The following SHISA9 variants were observed in gnomAD, a reference collection of about 807,000 sequenced individuals.
The protein encoded by SHISA9 is protein shisa-9.
In SHISA9, 13 loss-of-function variants were observed where a neutral mutation model predicts 38.0. That is an observed-to-expected ratio of 0.34 (90% confidence interval 0.22 to 0.54). The LOEUF (loss-of-function observed/expected upper bound fraction) is 0.54, where lower values mean the gene tolerates loss of function less well. Ranked by LOEUF, SHISA9 falls within the 20% of genes least tolerant of loss-of-function variation. The pLI, the probability that SHISA9 is intolerant of heterozygous loss-of-function variation, is 0.91. For missense variants in SHISA9, 538 were observed against 575.8 expected, an observed-to-expected ratio of 0.93 and a Z score of 0.67; for synonymous variants, 275 against 242.0, an observed-to-expected ratio of 1.14 and a Z score of -1.27.
At chr16:12,956,136 A>G (rs933195591) in intron 2 of SHISA9, among the ~76,000 whole-genome samples, 1 of 152,236 alleles carries the variant, frequency 6.6e-6, no homozygotes, top group Non-Finnish European at 1.5e-5. Flanking sequence ...CAAGTAGCCA[A>G]TAAGCACTAA....
chr16:13,204,274 T>C (rs1423802730), intron 3 of SHISA9, among the ~76,000 whole-genome samples: 1 of 151,996 alleles, frequency 6.6e-6, no homozygotes. Context: ...TCTCTCTACC[T>C]GGGACCCAGG....
intron 4 of SHISA9, among the ~76,000 whole-genome samples, chr16:13,216,303 C>T (rs1323114753): frequency 6.6e-6 from 1 of 151,982 alleles, no homozygotes; most frequent in Admixed American, 6.5e-5. Flanking sequence ...TTCAACCTCT[C>T]TGATCCCCTA....
chr16:13,195,859 A>T (rs1453107876), intron 2 of SHISA9, among the ~76,000 whole-genome samples: 1 of 150,510 alleles, frequency 6.6e-6, no homozygotes, highest in Admixed American at 6.6e-5. Flanking sequence ...AGGCTGAGGC[A>T]GGCAGATCAC....
intron 2 of SHISA9, among the ~76,000 whole-genome samples, chr16:13,025,954 C>CCT (rs1459874167): frequency 1.3e-5 from 2 of 152,002 alleles, no homozygotes; most frequent in African/African-American, 4.8e-5. Context: ...TACAGGCATG[C>CCT]ACCACCATGC....
chr16:13,280,658 C>T, the SHISA9 span, among the ~76,000 whole-genome samples: 1 of 151,616 alleles, frequency 6.6e-6, no homozygotes, highest in Admixed American at 6.6e-5. Context: ...AGAGTATATA[C>T]CTAATAAGAT....
chr16:12,996,789 C>T (rs1179546878), intron 2 of SHISA9, among the ~76,000 whole-genome samples: 1 of 151,998 alleles, frequency 6.6e-6, no homozygotes, highest in Non-Finnish European at 1.5e-5. Context: ...TCCTCTAGGT[C>T]TGGTATTTTG....
the SHISA9 span, among the ~76,000 whole-genome samples, chr16:13,393,989 C>T: frequency 2.0e-5 from 3 of 152,180 alleles, no homozygotes; most frequent in Admixed American, 6.5e-5. Context: ...CGTCACGTCC[C>T]ACTGTGGGCA....
the SHISA9 span, among the ~76,000 whole-genome samples, chr16:13,384,291 A>G: frequency 3.5e-4 from 53 of 152,272 alleles, no homozygotes; most frequent in African/African-American, 1.2e-3. Flanking sequence ...TCCATTCCCC[A>G]TGGTCAGGTT....
chr16:13,412,122 C>T, the SHISA9 span, among the ~76,000 whole-genome samples: 2 of 152,122 alleles, frequency 1.3e-5, no homozygotes, highest in Non-Finnish European at 2.9e-5. Context: ...GAAAGGGACA[C>T]GTTTCTGAGA....
At chr16:12,975,860 C>T (rs2072154574) in intron 2 of SHISA9, among the ~76,000 whole-genome samples, 1 of 150,202 alleles carries the variant, frequency 6.7e-6, no homozygotes, top group Admixed American at 6.6e-5. Flanking sequence ...ATAATAGCTT[C>T]ATTTATTTGA....
chr16:13,398,747 G>A, the SHISA9 span, among the ~76,000 whole-genome samples: 4 of 152,032 alleles, frequency 2.6e-5, no homozygotes, highest in African/African-American at 9.7e-5. Context: ...CCTGACCTCA[G>A]GTGATCCACA....
chr16:13,301,740 A>G, the SHISA9 span, among the ~76,000 whole-genome samples: 1 of 152,162 alleles, frequency 6.6e-6, no homozygotes, highest in Non-Finnish European at 1.5e-5. Flanking sequence ...TGAGTGAATG[A>G]ATGAAGTTGG....
At chr16:12,969,443 C>A in intron 2 of SHISA9, among the ~76,000 whole-genome samples, 1 of 150,842 alleles carries the variant, frequency 6.6e-6, no homozygotes, top group East Asian at 2.0e-4. Context: ...GTACACTCTT[C>A]TGTAAGTGTT....
chr16:13,288,269 C>T, the SHISA9 span, among the ~76,000 whole-genome samples: 3 of 152,112 alleles, frequency 2.0e-5, no homozygotes, highest in African/African-American at 7.2e-5. Context: ...GACTGGGTGG[C>T]TTAAACAATA....
intron 3 of SHISA9, 103 bp downstream of exon 3, chr16:13,203,652 T>C: frequency 1.6e-6 from 2 of 1,245,088 alleles, no homozygotes; most frequent in Non-Finnish European, 1.1e-6. Flanking sequence ...AATTCCTTTT[T>C]CTAGCTCTCT....
At chr16:13,494,384 C>T in the SHISA9 span, among the ~76,000 whole-genome samples, 2 of 152,142 alleles carry the variant, frequency 1.3e-5, no homozygotes, top group Non-Finnish European at 2.9e-5. Context: ...CCCAAAACTC[C>T]ACCCAATGTG....
chr16:13,007,594 G>GT (rs1411372096), intron 2 of SHISA9, among the ~76,000 whole-genome samples: 1 of 152,158 alleles, frequency 6.6e-6, no homozygotes, highest in Non-Finnish European at 1.5e-5. Context: ...TGACCCTAGG[G>GT]TGAGAACCCA....
At chr16:12,991,408 G>C (rs2072384673) in intron 2 of SHISA9, among the ~76,000 whole-genome samples, 1 of 152,038 alleles carries the variant, frequency 6.6e-6, no homozygotes, top group Admixed American at 6.6e-5. Flanking sequence ...ATATAGAGAG[G>C]TCATTTAAAG....
chr16:13,170,704 T>C (rs1384153709), intron 2 of SHISA9, among the ~76,000 whole-genome samples: 2 of 152,238 alleles, frequency 1.3e-5, no homozygotes, highest in Admixed American at 6.5e-5. Context: ...TTGCCCAGGC[T>C]GGAGTGCAAT....
Sources: allele counts gnomAD v4.1 joint callset (sites outside exome capture counted in the v4.1 genomes callset), GRCh38; gene constraint gnomAD v4.1.1; transcripts MANE v1.5; gene names NCBI Gene and HGNC (gene_info 2026-07-23, HGNC 2026-07-21).